CRACR2A: variants seen among roughly 807,000 people sequenced by gnomAD.
CRACR2A encodes the protein calcium release activated channel regulator 2A, also known as EF-hand calcium-binding domain-containing protein 4B.
CRACR2A carries 79 observed loss-of-function variants against 90.5 expected under a neutral mutation model. That is an observed-to-expected ratio of 0.87 (90% CI 0.73 to 1.05). The LOEUF (loss-of-function observed/expected upper bound fraction) is 1.05. Ranked by LOEUF, CRACR2A falls within the 50% of genes least tolerant of loss-of-function variation. The pLI, the probability that CRACR2A is intolerant of heterozygous loss-of-function variation, is 0.00. For synonymous variants in CRACR2A, 338 were observed against 356.7 expected (o/e 0.95, Z 0.59); for missense variants, 823 against 897.2 (o/e 0.92, Z 1.06).
intron 4 of CRACR2A, among the ~76,000 whole-genome samples, chr12:3,681,683 C>A (rs1384595096): frequency 1.3e-5 from 2 of 152,256 alleles, no homozygotes; most frequent in South Asian, 2.1e-4. Context: ...ACAATGAATG[C>A]GGGGCTTTGT....
At chr12:3,621,671 A>AAAAAAAAAAAAAAAAAC (rs1301625787) in intron 17 of CRACR2A, among the ~76,000 whole-genome samples, 1 of 145,304 alleles carries the variant, frequency 6.9e-6, no homozygotes, top group Non-Finnish European at 1.5e-5. Flanking sequence ...AAAAAAAAAA[A>AAAAAAAAAAAAAAAAAC]AAAAAAAAAA....
At position 3,696,964 on chromosome 12, in the gene CRACR2A, G is replaced by C. The variant is rs1945751071; in HGVS notation, c.36C>G (p.Pro12=). Residue 12 remains proline, a synonymous_variant, in exon 4 of 20, where the codon CCC becomes CCG. Coordinates refer to ENST00000440314, the MANE Select transcript of CRACR2A (RefSeq NM_001144958.2). ...GGCCAGACCCCTGACCAAGTCTCTG[G>C]GGTCTGGAGACTACCCTCCCGTCAG... The part of the protein sequence containing the change: ...AAPDGRVVSR[P]QRLGQGSGQG... The C allele has an allele frequency of 1.9e-6, 3 of 1,613,948 alleles. No individual in the cohort carries two copies. The highest frequency in any genetic ancestry group is 1.7e-5 in the Admixed American group (1 of 60,006).
Position 3,697,150 on chromosome 12 carries a change from C to G in CRACR2A, c.-36-115G>C. 9 of 1,244,016 alleles carry G rather than the reference C, an allele frequency of 7.2e-6. No homozygotes were observed. In the South Asian group the frequency reaches 1.3e-4, roughly 18 times the overall value. The allele number at this position is 1,244,016 out of a possible 1,614,324, so 77.1% of individuals were successfully genotyped here. ...GCCATACACCAGTGTGTCCAGGAAT[C>G]TCTTAGCAACTACCTCTTAATTAGC... On this transcript the variant is annotated intron_variant, in intron 3 of 19. Transcript: ENST00000440314.
At chr12:3,677,721 G>A (rs1945361192) in intron 6 of CRACR2A, among the ~76,000 whole-genome samples, 1 of 152,152 alleles carries the variant, frequency 6.6e-6, no homozygotes, top group Admixed American at 6.5e-5. Context: ...CCACCTGCCA[G>A]CTACACCTTC....
Position 3,696,804 on chromosome 12 carries a change from C to T in CRACR2A, c.196G>A (p.Gly66Ser). The T allele has an allele frequency of 6.2e-7, 1 of 1,614,212 alleles. No homozygotes were observed. Among genetic ancestry groups the T allele is most frequent in the Non-Finnish European group, 8.5e-7 (1 of 1,180,040 alleles). ...QEFFQTCDAE[G>S]KGFIARKDMQ... Reference sequence around the variant, plus strand: ...TCCTTCCTGGCGATGAAGCCCTTGCCTTCAGCATCACAGGTCTGAAAGAAC... The same window carrying T: ...TCCTTCCTGGCGATGAAGCCCTTGCTTTCAGCATCACAGGTCTGAAAGAAC... The change falls in exon 4 of 20, where the codon GGC becomes AGC. Residue 66 changes from glycine (G) to serine (S), a missense_variant. Gly to Ser is a moderately conservative substitution (Grantham distance 56, BLOSUM62 0). Transcript: ENST00000440314.
intron 15 of CRACR2A, among the ~76,000 whole-genome samples, chr12:3,629,230 G>A (rs995179823): frequency 1.3e-4 from 19 of 151,658 alleles, no homozygotes; most frequent in Admixed American, 3.9e-4. Context: ...TGCCCGAGCT[G>A]GTCGGAAGCA....
At chr12:3,732,142 C>T (rs1412849521) in intron 2 of CRACR2A, 2 of 152,268 alleles carry the variant, frequency 1.3e-5, no homozygotes, top group Non-Finnish European at 2.9e-5. Context: ...GGTGACAACA[C>T]TGCTCCTATG....
intron 7 of CRACR2A, among the ~76,000 whole-genome samples, chr12:3,668,999 G>A (rs1038268996): frequency 6.6e-6 from 1 of 152,242 alleles, no homozygotes; most frequent in African/African-American, 2.4e-5. Flanking sequence ...CAGGCAGCCA[G>A]CTGGTATTCC....
intron 7 of CRACR2A, among the ~76,000 whole-genome samples, chr12:3,666,364 T>TGTGTGTGTGTGTGTGCGCGCGCGCGC (rs765943563): frequency 6.7e-6 from 1 of 149,498 alleles, no homozygotes; most frequent in African/African-American, 2.5e-5. Flanking sequence ...TGCGTGCGTG[T>TGTGTGTGTGTGTGTGCGCGCGCGCGC]GCGCGTGCGC....
At chr12:3,647,832 A>C in intron 11 of CRACR2A, 41 of 980,304 alleles carry the variant, frequency 4.2e-5, no homozygotes, top group Non-Finnish European at 4.8e-5. Context: ...CCATTCCCCA[A>C]GAGGTGCTCA....
At chr12:3,686,872 C>A (rs1346818616) in intron 4 of CRACR2A, among the ~76,000 whole-genome samples, 3 of 152,176 alleles carry the variant, frequency 2.0e-5, no homozygotes, top group African/African-American at 7.2e-5. Context: ...ACCCCTAGAG[C>A]AGAACACATG....
At chr12:3,677,684 T>C (rs182472469) in intron 6 of CRACR2A, among the ~76,000 whole-genome samples, 84 of 152,292 alleles carry the variant, frequency 5.5e-4, no homozygotes, top group Admixed American at 3.7e-3. Context: ...GTATGACTAA[T>C]GAGCTTCCCA....
At chr12:3,623,541 T>G (rs921160323) in intron 17 of CRACR2A, among the ~76,000 whole-genome samples, 3 of 152,220 alleles carry the variant, frequency 2.0e-5, no homozygotes, top group Non-Finnish European at 4.4e-5. Flanking sequence ...AGTCTTCTGA[T>G]GTCCAGTTTG....
chr12:3,627,505 G>A lies in CRACR2A; in HGVS notation c.1863C>T (p.Val621=), dbSNP rs1354981753. ...TGTCTGTGAGATCGTACATGACGAT[G>A]ACACCATCTGCCTTTCTGAAGAACT... ...TQQFFRKADG[V]IVMYDLTDKQ... Residue 621 remains valine (V), a synonymous_variant, in exon 17 of 20, where the codon GTC becomes GTT. Coordinates refer to ENST00000440314, the MANE Select transcript of CRACR2A (RefSeq NM_001144958.2). The A allele has an allele frequency of 6.4e-7, 1 of 1,551,788 alleles. No individual in the cohort carries two copies. Among genetic ancestry groups the A allele is most frequent in the Non-Finnish European group, 8.7e-7 (1 of 1,147,044 alleles).
At chr12:3,637,441 T>C (rs55805614) in intron 14 of CRACR2A, among the ~76,000 whole-genome samples, 6,280 of 152,266 alleles carry the variant, frequency 0.041, 147 homozygotes, top group Middle Eastern at 0.082. Flanking sequence ...GAGGTTTCTC[T>C]TCAAATAATC....
At chr12:3,702,149 C>T (rs56050215) in intron 3 of CRACR2A, among the ~76,000 whole-genome samples, 12,658 of 152,206 alleles carry the variant, frequency 0.083, 858 homozygotes, top group South Asian at 0.2. Context: ...TAGGAAGGAA[C>T]TGGCCCAACA....
At position 3,654,362 on chromosome 12, in the gene CRACR2A, T is replaced by A. The variant is rs773387612; in HGVS notation, c.896A>T (p.His299Leu). The A allele has an allele frequency of 4.0e-5, 64 of 1,613,050 alleles. No individual in the cohort carries two copies. Among genetic ancestry groups the A allele is most frequent in the Non-Finnish European group, 5.3e-5 (62 of 1,179,706 alleles). The change falls in exon 10 of 20, where the codon CAT (histidine) becomes CTT (leucine). Residue 299 changes from histidine to leucine, a missense_variant. His to Leu is a moderately conservative substitution (Grantham distance 99). Transcript: ENST00000440314. ...GQCTALHHDK[H>L]ETKAENTKLK... is the part of the protein sequence containing the mutation. ...CTTGGTATTCTCAGCCTTGGTCTCA[T>A]GCTTGTCATGATGCAGGGCTGTGCA...
At chr12:3,634,368 G>A (rs1056496642) in intron 14 of CRACR2A, among the ~76,000 whole-genome samples, 3 of 152,292 alleles carry the variant, frequency 2.0e-5, no homozygotes, top group Non-Finnish European at 2.9e-5. Context: ...TGAGGCACGA[G>A]GGTCTCCACT....
At chr12:3,718,308 G>A (rs1392067755) in intron 2 of CRACR2A, among the ~76,000 whole-genome samples, 1 of 152,158 alleles carries the variant, frequency 6.6e-6, no homozygotes, top group Non-Finnish European at 1.5e-5. Context: ...TTTTGCATGA[G>A]CTCAGCATGC....
Sources: allele counts gnomAD v4.1 joint callset (sites outside exome capture counted in the v4.1 genomes callset), GRCh38; gene constraint gnomAD v4.1.1; transcripts MANE v1.5; gene names NCBI Gene and HGNC (gene_info 2026-07-23, HGNC 2026-07-21).